GDF5: variants seen among roughly 807,000 people sequenced by gnomAD.
The protein encoded by GDF5 is growth differentiation factor 5, also known as growth/differentiation factor 5.
In GDF5, 17 loss-of-function variants were observed where a neutral mutation model predicts 34.6. That is an observed-to-expected ratio of 0.49 (90% CI 0.34 to 0.74). GDF5 has a LOEUF of 0.74. GDF5 is among the 30% of genes least tolerant of loss of function. The probability of loss-of-function intolerance (pLI) is 0.01; values close to 1 mark genes in which losing one functional copy is unlikely to be tolerated. For synonymous variants in GDF5, 332 were observed against 290.7 expected (o/e 1.14, Z -1.44); for missense variants, 616 against 661.2 (o/e 0.93, Z 0.75).
At chr20:35,451,880 G>A (rs1304628702) in intron 1 of GDF5, among the ~76,000 whole-genome samples, 1 of 152,112 alleles carries the variant, frequency 6.6e-6, no homozygotes, top group Non-Finnish European at 1.5e-5. Flanking sequence ...TATGCCTACA[G>A]AACCACTAGG....
chr20:35,437,727 C>T lies in GDF5; in HGVS notation c.202G>A (p.Gly68Arg), dbSNP rs868380625. 2 of 1,613,570 alleles carry T rather than the reference C, an allele frequency of 1.2e-6. No individual in the cohort carries two copies. The highest frequency in any genetic ancestry group is 1.7e-6 in the Non-Finnish European group (2 of 1,179,718). The change falls in exon 1 of 2, where the codon GGG becomes AGG. Residue 68 changes from glycine (G) to arginine (R), a missense_variant. Gly to Arg is a moderately radical substitution (Grantham distance 125, BLOSUM62 -2). Coordinates refer to ENST00000374369, the MANE Select transcript of GDF5 (RefSeq NM_000557.5). ...GCCCTGGCATTGGCATTGGTGGCCC[C>T]CCCACCATAGCTGTGACCCCCTGGC... ...FRPGGHSYGG[G>R]ATNANARAKG...
At position 35,434,490 on chromosome 20, in the gene GDF5, G is replaced by C; in HGVS notation, c.925C>G (p.Leu309Val). 1 of 1,610,394 alleles carries C rather than the reference G, an allele frequency of 6.2e-7. No individual in the cohort carries two copies. The highest frequency in any genetic ancestry group is 8.5e-7 in the Non-Finnish European group (1 of 1,178,126). The change falls in exon 2 of 2, where the codon CTG becomes GTG. Residue 309 changes from leucine to valine, a missense_variant. Leu to Val is a conservative substitution (Grantham distance 32). Coordinates refer to ENST00000374369, the MANE Select transcript of GDF5 (RefSeq NM_000557.5). ...TCCCAGGCCTCCAGCTCCAGGCACA[G>C]CTGGGCCGAGTTCTTAAAGTTTCGG... Reference protein sequence around the residue: ...LFRNFKNSAQLCLELEAWERG... With the variant: ...LFRNFKNSAQVCLELEAWERG...
At chr20:35,445,904 G>T (rs2062512425) in intron 1 of GDF5, among the ~76,000 whole-genome samples, 1 of 152,080 alleles carries the variant, frequency 6.6e-6, no homozygotes. Flanking sequence ...GGGAGGCGGA[G>T]GTTGCAGTGA....
intron 1 of GDF5, among the ~76,000 whole-genome samples, chr20:35,451,582 C>CTTTT (rs750856510): frequency 7.6e-6 from 1 of 131,818 alleles, no homozygotes; most frequent in African/African-American, 3.0e-5. Flanking sequence ...TTTTTTTTTC[C>CTTTT]TTTTTTTTTT....
rs1471227731 is a variant in GDF5 at position 35,438,080 on chromosome 20, G to A, written c.-152C>T. 7.2e-6 allele frequency: 6 copies of A among 831,816 alleles called. No individual in the cohort carries two copies. The highest frequency in any genetic ancestry group is 1.7e-5 in the African/African-American group (1 of 58,704). The allele number at this position is 831,816 out of a possible 1,614,324, so 51.5% of individuals were successfully genotyped here. On this transcript the variant is annotated 5_prime_UTR_variant, in exon 1 of 2. Coordinates refer to ENST00000374369, the MANE Select transcript of GDF5 (RefSeq NM_000557.5). The stretch of plus-strand genomic sequence containing the variant: ...AGGAAAGGCTTTCTCCTCAGTCTGA[G>A]ACTCTTGAAGTCTGCCGGGTGTGTG...
chr20:35,434,709 C>T lies in GDF5; in HGVS notation c.706G>A (p.Gly236Arg). 6.2e-7 allele frequency: 1 copy of T among 1,612,216 alleles called. No homozygotes were observed. Among genetic ancestry groups the T allele is most frequent in the Non-Finnish European group, 8.5e-7 (1 of 1,179,868 alleles). The change falls in exon 2 of 2, where the codon GGG becomes AGG. Residue 236 changes from glycine to arginine, a missense_variant. Gly to Arg is a moderately radical substitution (Grantham distance 125). Coordinates refer to ENST00000374369, the MANE Select transcript of GDF5 (RefSeq NM_000557.5). Reference sequence around the variant, plus strand: ...TTCCGCAAGATCCGCAGCTCGGCCCCCAGCAGCCCATCCTTCTCCAGGGCA... The same window carrying T: ...TTCCGCAAGATCCGCAGCTCGGCCCTCAGCAGCCCATCCTTCTCCAGGGCA... The part of the protein sequence containing the change: ...ISALEKDGLL[G>R]AELRILRKKP...
At chr20:35,440,750 T>C (rs2062495120), upstream of GDF5, among the ~76,000 whole-genome samples, 1 of 152,266 alleles carries the variant, frequency 6.6e-6, no homozygotes, top group Non-Finnish European at 1.5e-5. Flanking sequence ...CATAACTTAA[T>C]TCCTTATAAC....
Position 35,437,858 on chromosome 20 carries a change from G to C in GDF5, c.71C>G (p.Thr24Ser). 2 of 1,614,136 alleles carry C rather than the reference G, an allele frequency of 1.2e-6. No homozygotes were observed. Among genetic ancestry groups the C allele is most frequent in the South Asian group, 2.2e-5 (2 of 91,058 alleles). ...GCCCAAGTCAGGGGCACCCAACACAGTGCAGATGAATTCCAGGTCCAGCCA... is the reference window on the plus strand; with the variant it reads ...GCCCAAGTCAGGGGCACCCAACACACTGCAGATGAATTCCAGGTCCAGCCA... ...LAWLDLEFIC[T>S]VLGAPDLGQR... Residue 24 changes from threonine to serine, a missense_variant, in exon 1 of 2, where the codon ACT becomes AGT. By Grantham distance (58) the Thr-to-Ser change is moderately conservative. Coordinates refer to ENST00000374369, the MANE Select transcript of GDF5 (RefSeq NM_000557.5).
chr20:35,439,336 C>T (rs576778239), upstream of GDF5, among the ~76,000 whole-genome samples: 13 of 151,686 alleles, frequency 8.6e-5, no homozygotes, highest in South Asian at 2.1e-4. Flanking sequence ...CACGCCATTC[C>T]CCTGCCTCAG....
upstream of GDF5, among the ~76,000 whole-genome samples, chr20:35,438,857 G>GTGTGTGTGTGTGTA: frequency 4.3e-5 from 1 of 23,518 alleles, no homozygotes; most frequent in South Asian, 1.4e-3. Context: ...GTGTGTGTGT[G>GTGTGTGTGTGTGTA]TGTTTATGTG....
chr20:35,449,710 G>A (rs527693094), intron 1 of GDF5, among the ~76,000 whole-genome samples: 87 of 152,118 alleles, frequency 5.7e-4, no homozygotes, highest in Admixed American at 1.5e-3. Context: ...GAACTTCAGC[G>A]CGGCAGCTCA....
At position 35,433,769 on chromosome 20, in the gene GDF5, G is replaced by T. The variant is rs1007485151; in HGVS notation, c.*140C>A. On this transcript the variant is annotated 3_prime_UTR_variant, in exon 2 of 2. Transcript: ENST00000374369. ...CTTTAGCCCAAGTCACACTCAGAGA[G>T]CGAGCAAGCTTATTGGAATCCCCTT... 12 of 804,616 alleles carry T rather than the reference G, an allele frequency of 1.5e-5. No individual in the cohort carries two copies. The highest frequency in any genetic ancestry group is 2.6e-5 in the Non-Finnish European group (12 of 458,130). The allele number at this position is 804,616 out of a possible 1,614,324, so 49.8% of individuals were successfully genotyped here.
At position 35,454,181 on chromosome 20, in the gene GDF5, C is replaced by T. The variant is rs143847444; in HGVS notation, c.-398+459G>A. On this transcript the variant is annotated intron_variant, in intron 1 of 3. Transcript: ENST00000374372. The stretch of plus-strand genomic sequence containing the variant: ...AACAATTTATACACAAGGCCGGGCG[C>T]GGTGGCTCACGCCTGTAATCCCAGC... 898 of 371,942 alleles carry T rather than the reference C, an allele frequency of 2.4e-3. 1 individual carries two copies. The highest frequency in any genetic ancestry group is 0.018 in the African/African-American group (859 of 46,950). 23.0% of individuals were successfully genotyped at this position (371,942 alleles called of 1,614,324 possible). A position where few individuals can be genotyped will look rare whatever the true frequency, so the allele number is the denominator to read the frequency against.
At position 35,443,874 on chromosome 20, in the gene GDF5, T is replaced by C. The variant is rs184353474; in HGVS notation, c.-397-2487A>G. Among the ~76,000 whole-genome samples, 6 of 151,744 alleles carry C rather than the reference T, an allele frequency of 4.0e-5. No individual in the cohort carries two copies. The East Asian group carries it at 9.7e-4, about 24-fold the overall frequency. On this transcript the variant is annotated intron_variant, in intron 1 of 3. Transcript: ENST00000374372. ...GATGAGTAAACAGTGAACTGAGTGA[T>C]AATAATAATAATCCCTTTTTCAAGC...
chr20:35,434,237 C>A lies in GDF5; in HGVS notation c.1178G>T (p.Ser393Ile). 1 of 1,614,194 alleles carries A rather than the reference C, an allele frequency of 6.2e-7. No homozygotes were observed. The change falls in exon 2 of 2, where the codon AGC (serine) becomes ATC (isoleucine). Residue 393 changes from serine to isoleucine, a missense_variant. Ser to Ile is a moderately radical substitution (Grantham distance 142, BLOSUM62 -2). Coordinates refer to ENST00000374369, the MANE Select transcript of GDF5 (RefSeq NM_000557.5). The part of the protein sequence containing the change: ...PLATRQGKRP[S>I]KNLKARCSRK... ...ACTGCAGCGAGCCTTAAGGTTCTTG[C>A]TGGGTCGCTTGCCCTGGCGAGTGGC...
upstream of GDF5, among the ~76,000 whole-genome samples, chr20:35,440,919 T>C (rs574431038): frequency 2.0e-5 from 3 of 152,214 alleles, no homozygotes; most frequent in Non-Finnish European, 4.4e-5. Flanking sequence ...TGGCCCTTAT[T>C]GACAAAAATC....
Position 35,437,908 on chromosome 20 carries a change from G to A in GDF5, c.21C>T (p.Leu7=). 5 of 1,614,054 alleles carry A rather than the reference G, an allele frequency of 3.1e-6. No homozygotes were observed. The highest frequency in any genetic ancestry group is 4.2e-6 in the Non-Finnish European group (5 of 1,179,920). Residue 7 remains leucine, a synonymous_variant, in exon 1 of 2, where the codon CTC becomes CTT. Transcript: ENST00000374369. The part of the protein sequence containing the change: MRLPKL[L]TFLLWYLAWL... ...AAGCCAGGTACCAAAGCAAGAAAGT[G>A]AGGAGTTTGGGGAGTCTCATCCTCT... is the stretch of plus-strand genomic sequence containing the variant.
Position 35,434,597 on chromosome 20 carries a change from T to C in GDF5, c.818A>G (p.Gln273Arg). ...LKLSSCPSGR[Q>R]PAALLDVRSV... ...GCGCACATCCAGCAAGGCGGCCGGCTGCCGGCCGCTGGGGCAGCTGGACAG... is the reference window on the plus strand; with the variant it reads ...GCGCACATCCAGCAAGGCGGCCGGCCGCCGGCCGCTGGGGCAGCTGGACAG... Residue 273 changes from glutamine (Q) to arginine (R), a missense_variant, in exon 2 of 2, where the codon CAG becomes CGG. Physicochemically the swap from Gln to Arg is conservative, Grantham distance 43. Coordinates refer to ENST00000374369, the MANE Select transcript of GDF5 (RefSeq NM_000557.5). The C allele has an allele frequency of 6.3e-7, 1 of 1,589,162 alleles. No individual in the cohort carries two copies. Among genetic ancestry groups the C allele is most frequent in the Non-Finnish European group, 8.6e-7 (1 of 1,166,034 alleles).
chr20:35,434,242 T>C lies in GDF5; in HGVS notation c.1173A>G (p.Arg391=). 4 of 1,614,108 alleles carry C rather than the reference T, an allele frequency of 2.5e-6. No individual in the cohort carries two copies. Among genetic ancestry groups the C allele is most frequent in the Non-Finnish European group, 2.5e-6 (3 of 1,180,020 alleles). ...AGCGAGCCTTAAGGTTCTTGCTGGG[T>C]CGCTTGCCCTGGCGAGTGGCCAGTG... ...RAPLATRQGK[R]PSKNLKARCS... The change falls in exon 2 of 2, where the codon CGA becomes CGG. Residue 391 remains arginine (R), a synonymous_variant. Coordinates refer to ENST00000374369, the MANE Select transcript of GDF5 (RefSeq NM_000557.5).
Sources: allele counts gnomAD v4.1 joint callset (sites outside exome capture counted in the v4.1 genomes callset), GRCh38; gene constraint gnomAD v4.1.1; transcripts MANE v1.5; gene names NCBI Gene and HGNC (gene_info 2026-07-23, HGNC 2026-07-21).